Variants in B3GALNT2 observed in about 807,000 individuals in gnomAD.
B3GALNT2 encodes the protein UDP-GalNAc:beta-1,3-N-acetylgalactosaminyltransferase 2.
B3GALNT2 carries 53 observed loss-of-function variants against 61.1 expected under a neutral mutation model. The observed-to-expected ratio is 0.87, with a 90% CI of 0.70 to 1.09. The LOEUF (loss-of-function observed/expected upper bound fraction) is 1.09. Among genes scored for constraint, B3GALNT2 ranks in the 50% least tolerant of loss-of-function variants. The pLI, the probability that B3GALNT2 is intolerant of heterozygous loss-of-function variation, is 0.00. For missense variants in B3GALNT2, 544 were observed against 623.0 expected (o/e 0.87, Z 1.35); for synonymous variants, 223 against 237.4 (o/e 0.94, Z 0.56).
chr1:235,459,402 C>T (rs1051191811), intron 7 of B3GALNT2, among the ~76,000 whole-genome samples: 3 of 152,126 alleles, frequency 2.0e-5, no homozygotes, highest in African/African-American at 7.2e-5. Flanking sequence ...GGAGGAGAAT[C>T]GCTTAAGCCC....
chr1:235,474,985 ATATTTTTTTTTTTT>A (rs1162111186), intron 5 of B3GALNT2, among the ~76,000 whole-genome samples: 3 of 37,790 alleles, frequency 7.9e-5, no homozygotes, highest in African/African-American at 3.5e-4. Context: ...ATATATATAT[ATATTTTTTTTTTTT>A]TTTTTTTTTT....
At chr1:235,485,600 A>G (rs1684768575) in intron 3 of B3GALNT2, among the ~76,000 whole-genome samples, 1 of 152,210 alleles carries the variant, frequency 6.6e-6, no homozygotes, top group Admixed American at 6.5e-5. Context: ...CCAGCCTTCA[A>G]ATAAATTTTC....
downstream of B3GALNT2, among the ~76,000 whole-genome samples, chr1:235,445,438 G>A (rs1682186050): frequency 1.3e-5 from 2 of 152,152 alleles, no homozygotes; most frequent in Non-Finnish European, 2.9e-5. Context: ...AGACCAGCCT[G>A]AGCAACATGG....
chr1:235,495,885 CA>C (rs1274770401), intron 1 of B3GALNT2, among the ~76,000 whole-genome samples: 1 of 152,000 alleles, frequency 6.6e-6, no homozygotes, highest in Non-Finnish European at 1.5e-5. Context: ...ACAACAAAAC[CA>C]GGTTGATATT....
chr1:235,482,877 G>C (rs187704646), intron 4 of B3GALNT2, among the ~76,000 whole-genome samples: 10 of 152,024 alleles, frequency 6.6e-5, no homozygotes, highest in African/African-American at 1.9e-4. Context: ...CAAAATACTA[G>C]ACATAAAACA....
rs180911749 is a variant in B3GALNT2, at chr1:235,449,051, A to T, written c.*1155T>A. On this transcript the variant is annotated 3_prime_UTR_variant, in exon 12 of 12. Transcript: ENST00000366600. ...AAGATTTAAATATTAAATAGAAAGA[A>T]ACTAGCTAGCCTAATAAAATCTGAA... 12 of 344,400 alleles carry T rather than the reference A, an allele frequency of 3.5e-5. No homozygotes were observed. Among genetic ancestry groups the T allele is most frequent in the African/African-American group, 2.6e-4 (12 of 46,696 alleles). The allele number at this position is 344,400 out of a possible 1,614,324, so 21.3% of individuals were successfully genotyped here.
At chr1:235,489,502 A>G (rs1193896236) in intron 2 of B3GALNT2, among the ~76,000 whole-genome samples, 1 of 152,236 alleles carries the variant, frequency 6.6e-6, no homozygotes, top group Non-Finnish European at 1.5e-5. Flanking sequence ...GCAAGTATGA[A>G]TATGTCTGGC....
In B3GALNT2 at chr1:235,465,762, T is replaced by C. The variant is rs748830266; in HGVS notation, c.763-48A>G. On this transcript the variant is annotated intron_variant, in intron 6 of 11. Transcript: ENST00000366600. ...CAGTGATTCATTACTAAAAATACAC[T>C]GATCATATTTTAAAATCGATTTGAC... 3 of 1,590,122 alleles carry C rather than the reference T, an allele frequency of 1.9e-6. No homozygotes were observed. In the South Asian group the frequency reaches 3.4e-5, roughly 18 times the overall value.
intron 5 of B3GALNT2, 129 bp downstream of exon 5, chr1:235,479,925 G>A: frequency 7.0e-7 from 1 of 1,433,450 alleles, no homozygotes; most frequent in South Asian, 1.5e-5. Flanking sequence ...TCCACAGTTG[G>A]TACCTTCATC....
chr1:235,445,206 CTTTT>C (rs1393590119), downstream of B3GALNT2, among the ~76,000 whole-genome samples: 1 of 151,710 alleles, frequency 6.6e-6, no homozygotes, highest in East Asian at 1.9e-4. Context: ...TTTTTTTCCC[CTTTT>C]TTATTTGCTT....
downstream of B3GALNT2, among the ~76,000 whole-genome samples, chr1:235,446,662 A>C (rs1283430496): frequency 6.6e-6 from 1 of 151,200 alleles, no homozygotes; most frequent in African/African-American, 2.4e-5. Flanking sequence ...AGAGATTGCT[A>C]CTTTCTTCTA....
rs144758113 is a variant in B3GALNT2 at position 235,466,009 on chromosome 1, T to C, written c.763-295A>G. On this transcript the variant is annotated intron_variant, in intron 6 of 11. Transcript: ENST00000366600. ...GCTACTCTAGTAGTACAAAAAGCAA[T>C]TGATTTTACATCCCAACCCCACCAC... 8.1e-3 allele frequency among the ~76,000 whole-genome samples: 1,239 copies of C among 152,206 alleles called. 16 individuals are homozygous for C. Among genetic ancestry groups the C allele is most frequent in the African/African-American group, 0.027 (1,123 of 41,524 alleles).
intron 1 of B3GALNT2, among the ~76,000 whole-genome samples, chr1:235,500,143 G>A (rs1035260921): frequency 1.3e-5 from 2 of 152,116 alleles, no homozygotes; most frequent in Non-Finnish European, 2.9e-5. Flanking sequence ...TATATCCTGA[G>A]AGTCTGGCAA....
At chr1:235,459,555 C>T (rs1683320104) in intron 7 of B3GALNT2, among the ~76,000 whole-genome samples, 1 of 152,110 alleles carries the variant, frequency 6.6e-6, no homozygotes, top group African/African-American at 2.4e-5. Context: ...CCCAGGAGTT[C>T]AAGGCTGCAG....
At chr1:235,487,957 GT>G (rs918149745) in intron 3 of B3GALNT2, among the ~76,000 whole-genome samples, 7 of 149,018 alleles carry the variant, frequency 4.7e-5, no homozygotes, top group Admixed American at 6.7e-5. Context: ...CTTGGCTAAT[GT>G]TTTTTTTTTC....
At chr1:235,475,288 C>T (rs116277777) in intron 5 of B3GALNT2, among the ~76,000 whole-genome samples, 7,085 of 151,874 alleles carry the variant, frequency 0.047, 259 homozygotes, top group African/African-American at 0.097. Flanking sequence ...TGAGCCACCA[C>T]GCCCAGCCAA....
chr1:235,501,042 C>G (rs1176823698), intron 1 of B3GALNT2, among the ~76,000 whole-genome samples: 2 of 152,222 alleles, frequency 1.3e-5, no homozygotes, highest in African/African-American at 4.8e-5. Context: ...CACTCAAGTA[C>G]TTGTTGAGTG....
chr1:235,470,015 A>G (rs1172023819), intron 6 of B3GALNT2, among the ~76,000 whole-genome samples: 1 of 151,976 alleles, frequency 6.6e-6, no homozygotes, highest in Non-Finnish European at 1.5e-5. Context: ...CTCATGCCTC[A>G]GCCACCTGAG....
intron 6 of B3GALNT2, among the ~76,000 whole-genome samples, chr1:235,466,015 T>A (rs1395973191): frequency 4.6e-5 from 7 of 152,068 alleles, no homozygotes. Context: ...GCAATTGATT[T>A]TACATCCCAA....
Sources: gnomAD v4.1 joint callset for allele counts (sites outside exome capture counted in the v4.1 genomes callset) on GRCh38, gnomAD v4.1.1 for gene constraint, MANE v1.5 for transcripts, NCBI Gene and HGNC (gene_info 2026-07-23, HGNC 2026-07-21) for gene names.